LPAR6: variants seen among roughly 807,000 people sequenced by gnomAD.
The protein encoded by LPAR6 is G-protein coupled purinergic receptor P2Y5.
Under a neutral mutation model 22.0 loss-of-function variants are expected in LPAR6, and 17 were observed. The observed-to-expected ratio is 0.77, with a 90% CI of 0.53 to 1.16. The LOEUF (loss-of-function observed/expected upper bound fraction) is 1.16, where lower values mean the gene tolerates loss of function less well. LPAR6 is among the 50% of genes most tolerant of loss of function. LPAR6 has a pLI of 0.00. For synonymous variants in LPAR6, 136 were observed against 139.8 expected, an observed-to-expected ratio of 0.97 and a Z score of 0.19; for missense variants, 384 against 406.9, an observed-to-expected ratio of 0.94 and a Z score of 0.48.
chr13:48,411,672 A>C lies in LPAR6; in HGVS notation c.752T>G (p.Leu251Ter). The C allele has an allele frequency of 6.2e-7, 1 of 1,610,836 alleles. No homozygotes were observed. The highest frequency in any genetic ancestry group is 8.5e-7 in the Non-Finnish European group (1 of 1,177,214). ...CFVPYNINLILYSLVRTQTFV... is the reference protein window; with the variant it reads ...CFVPYNINLI ...TGTTTGTGTTCTCACAAGAGAATAT[A>C]AAATAAGATTGATATTGTAAGGAAC... is the stretch of plus-strand genomic sequence containing the variant. Residue 251 changes from leucine to a stop codon, truncating the protein, a stop_gained, in exon 1 of 1, where the codon TTA (leucine) becomes TGA (stop). Transcript: ENST00000620633. LOFTEE classifies it high-confidence loss of function.
chr13:48,411,623 T>C lies in LPAR6; in HGVS notation c.801A>G (p.Ala267=). 6.2e-7 allele frequency: 1 copy of C among 1,612,236 alleles called. No individual in the cohort carries two copies. The highest frequency in any genetic ancestry group is 8.5e-7 in the Non-Finnish European group (1 of 1,178,436). ...TQTFVNCSVV[A]AVRTMYPITL... ...TGATTGGGTACATTGTCCTTACTGC[T>C]GCCACTACTGAGCAATTAACAAATG... The change falls in exon 1 of 1, where the codon GCA becomes GCG. Residue 267 remains alanine (A), a synonymous_variant. Transcript: ENST00000620633.
intron 2 of LPAR6, among the ~76,000 whole-genome samples, chr13:48,420,902 A>T (rs995106458): frequency 6.6e-6 from 1 of 152,216 alleles, no homozygotes; most frequent in Non-Finnish European, 1.5e-5. Flanking sequence ...AAACAAATGG[A>T]AGAACATTCC....
At chr13:48,416,083 A>C (rs955025862), upstream of LPAR6, among the ~76,000 whole-genome samples, 3 of 152,198 alleles carry the variant, frequency 2.0e-5, no homozygotes, top group African/African-American at 2.4e-5. Flanking sequence ...GAATCAACTT[A>C]TTTCTTATAT....
intron 1 of LPAR6, among the ~76,000 whole-genome samples, chr13:48,397,087 C>G (rs1340608772): frequency 6.6e-6 from 1 of 152,056 alleles, no homozygotes; most frequent in African/African-American, 2.4e-5. Flanking sequence ...GACAGTGTGG[C>G]GATTCCTCAA....
intron 1 of LPAR6, among the ~76,000 whole-genome samples, chr13:48,433,241 G>A (rs1049523699): frequency 6.6e-6 from 1 of 151,690 alleles, no homozygotes; most frequent in African/African-American, 2.4e-5. Flanking sequence ...AGATACATAT[G>A]TACTTTTCTA....
downstream of LPAR6, among the ~76,000 whole-genome samples, chr13:48,409,463 A>C (rs1178190569): frequency 5.3e-5 from 8 of 151,962 alleles, no homozygotes; most frequent in Non-Finnish European, 5.9e-5. Flanking sequence ...GAGGACTTGA[A>C]AGATTAAGAC....
At chr13:48,395,247 T>C (rs171989) in intron 1 of LPAR6, among the ~76,000 whole-genome samples, 139,693 of 152,112 alleles carry the variant, frequency 0.92, 64,908 homozygotes, top group East Asian at 1. Flanking sequence ...TTGAAGGTCA[T>C]CAACATCAAA....
chr13:48,432,267 A>T (rs568711749), intron 1 of LPAR6, among the ~76,000 whole-genome samples: 43 of 152,030 alleles, frequency 2.8e-4, no homozygotes, highest in Non-Finnish European at 4.9e-4. Context: ...TTTCCAGCTC[A>T]CCTCCCAGAA....
chr13:48,406,452 G>A (rs1948740726), downstream of LPAR6: 1 of 152,130 alleles, frequency 6.6e-6, no homozygotes, highest in South Asian at 2.1e-4. Flanking sequence ...CCTTTAAATT[G>A]TATAAATATA....
At chr13:48,443,248 C>A (rs1949255324) in intron 1 of LPAR6, among the ~76,000 whole-genome samples, 1 of 151,282 alleles carries the variant, frequency 6.6e-6, no homozygotes, top group African/African-American at 2.4e-5. Context: ...AAAAAGATTC[C>A]TTTTTCAGTA....
At chr13:48,430,106 A>C (rs1036420718), upstream of LPAR6, among the ~76,000 whole-genome samples, 1 of 152,186 alleles carries the variant, frequency 6.6e-6, no homozygotes, top group Non-Finnish European at 1.5e-5. Flanking sequence ...TGCATTCTCC[A>C]CACCTTCACC....
At chr13:48,404,028 C>T (rs947100886) in intron 1 of LPAR6, among the ~76,000 whole-genome samples, 2 of 152,082 alleles carry the variant, frequency 1.3e-5, no homozygotes, top group Non-Finnish European at 2.9e-5. Context: ...AAGCACCTTC[C>T]TCTTTACTAA....
intron 1 of LPAR6, among the ~76,000 whole-genome samples, chr13:48,425,404 A>G (rs1287338970): frequency 1.3e-5 from 2 of 152,228 alleles, no homozygotes; most frequent in African/African-American, 4.8e-5. Flanking sequence ...CTTCACATAC[A>G]ATATATGCCT....
intron 1 of LPAR6, among the ~76,000 whole-genome samples, chr13:48,402,429 G>A (rs550659145): frequency 7.7e-6 from 1 of 130,478 alleles, no homozygotes; most frequent in East Asian, 2.5e-4. Flanking sequence ...CCAGGCTGGA[G>A]TGCAATGACA....
chr13:48,413,634 C>T (rs77848801), upstream of LPAR6, among the ~76,000 whole-genome samples: 1,642 of 152,260 alleles, frequency 0.011, 30 homozygotes, highest in African/African-American at 0.037. Context: ...TTATGAGTAG[C>T]TCTTATCCTG....
At position 48,392,678 on chromosome 13, in the gene LPAR6, T is replaced by C. The variant is rs1948619960; in HGVS notation, n.115-2866A>G. Among the ~76,000 whole-genome samples, 4 of 152,190 alleles carry C rather than the reference T, an allele frequency of 2.6e-5. No homozygotes were observed. The South Asian group carries it at 8.3e-4, about 31-fold the overall frequency. On this transcript the variant is annotated intron_variant and non_coding_transcript_variant, in intron 1 of 1. Transcript: ENST00000462781. Reference sequence around the variant, plus strand: ...TTGAACATATGGGATATAGGTATTATAACTTTTTAAATGTCCCTGTTACTA... The same window carrying C: ...TTGAACATATGGGATATAGGTATTACAACTTTTTAAATGTCCCTGTTACTA...
chr13:48,396,363 T>C (rs2854364), intron 1 of LPAR6, among the ~76,000 whole-genome samples: 137,944 of 152,232 alleles, frequency 0.91, 63,519 homozygotes, highest in East Asian at 1. Flanking sequence ...ACCATCTGAT[T>C]TTTGACAAAC....
intron 1 of LPAR6, among the ~76,000 whole-genome samples, chr13:48,397,533 A>G (rs914729150): frequency 6.6e-6 from 1 of 152,152 alleles, no homozygotes; most frequent in African/African-American, 2.4e-5. Flanking sequence ...TAGGAAAAAT[A>G]CCTAATGTAG....
At chr13:48,425,580 T>C (rs1167650543) in intron 1 of LPAR6, among the ~76,000 whole-genome samples, 4 of 152,104 alleles carry the variant, frequency 2.6e-5, no homozygotes, top group Admixed American at 2.6e-4. Context: ...TTACTAAAAA[T>C]TAATGTGCGT....
Sources: allele counts gnomAD v4.1 joint callset (sites outside exome capture counted in the v4.1 genomes callset), GRCh38; gene constraint gnomAD v4.1.1; transcripts MANE v1.5; gene names NCBI Gene and HGNC (gene_info 2026-07-23, HGNC 2026-07-21).